Variants in IFT122 observed in about 807,000 individuals in gnomAD.
The protein encoded by IFT122 is intraflagellar transport protein 122 homolog.
IFT122 carries 118 observed loss-of-function variants against 161.6 expected under a neutral mutation model. The observed-to-expected ratio is 0.73, with a 90% CI of 0.63 to 0.85. The LOEUF (loss-of-function observed/expected upper bound fraction) is 0.85, where lower values mean the gene tolerates loss of function less well. Ranked by LOEUF, IFT122 falls within the 40% of genes least tolerant of loss-of-function variation. The pLI is 0.00. For missense variants in IFT122, 1,381 were observed against 1,579.6 expected, an observed-to-expected ratio of 0.87 and a Z score of 2.13; for synonymous variants, 550 against 602.4, an observed-to-expected ratio of 0.91 and a Z score of 1.27.
At chr3:129,486,769 C>G (rs1424770851) in intron 15 of IFT122, among the ~76,000 whole-genome samples, 1 of 152,236 alleles carries the variant, frequency 6.6e-6, no homozygotes, top group African/African-American at 2.4e-5. Flanking sequence ...GAGCACATCT[C>G]TCCTTTGCCC....
At chr3:129,505,168 G>A (rs2082066578) in intron 21 of IFT122, among the ~76,000 whole-genome samples, 1 of 152,218 alleles carries the variant, frequency 6.6e-6, no homozygotes, top group African/African-American at 2.4e-5. Context: ...CAAGGACGAA[G>A]AGGCTAAATG....
chr3:129,440,258 A>AC lies in IFT122; in HGVS notation c.-71dup. Reference sequence around the variant, plus strand: ...AGCCAAAGTGGCTTGTGGAGTGGCGACCGTTAGTGAGGCGGTTGCTGAGAC... The same window carrying AC: ...AGCCAAAGTGGCTTGTGGAGTGGCGACCCGTTAGTGAGGCGGTTGCTGAGAC... On this transcript the variant is annotated 5_prime_UTR_variant, in exon 1 of 30. Coordinates refer to ENST00000348417, the MANE Select transcript of IFT122 (RefSeq NM_052989.3). The AC allele has an allele frequency of 6.5e-7, 1 of 1,539,498 alleles. No individual in the cohort carries two copies. Among genetic ancestry groups the AC allele is most frequent in the African/African-American group, 1.4e-5 (1 of 72,944 alleles).
Position 129,501,153 on chromosome 3 carries a change from G to A in IFT122, c.2375+1085G>A, listed in dbSNP as rs3821915. On this transcript the variant is annotated intron_variant, in intron 19 of 29. Transcript: ENST00000348417. Reference sequence around the variant, plus strand: ...TGGGACTCAGCACACCGGACCTTGAGGGGGAAGGCTTTGTCCTCCCAGTCA... The same window carrying A: ...TGGGACTCAGCACACCGGACCTTGAAGGGGAAGGCTTTGTCCTCCCAGTCA... Among the ~76,000 whole-genome samples, 5,325 of 152,144 alleles carry A rather than the reference G, an allele frequency of 0.035. 617 individuals are homozygous for A. The East Asian group carries it at 0.41, about 12-fold the overall frequency.
At chr3:129,453,991 G>A (rs1417016390) in intron 3 of IFT122, among the ~76,000 whole-genome samples, 3 of 152,094 alleles carry the variant, frequency 2.0e-5, no homozygotes, top group African/African-American at 7.2e-5. Flanking sequence ...ACATTCTGTA[G>A]CCACTGCCAA....
At chr3:129,473,714 A>G (rs950950689) in intron 9 of IFT122, among the ~76,000 whole-genome samples, 2 of 152,188 alleles carry the variant, frequency 1.3e-5, no homozygotes, top group African/African-American at 2.4e-5. Context: ...GGGATTTCCC[A>G]CTTCACTTTC....
chr3:129,510,679 C>T (rs1449328500), intron 23 of IFT122, among the ~76,000 whole-genome samples: 2 of 152,176 alleles, frequency 1.3e-5, no homozygotes, highest in Admixed American at 6.5e-5. Flanking sequence ...GGGCTCCTGT[C>T]TCTAACAGCT....
At chr3:129,450,997 G>A (rs1287525461) in intron 2 of IFT122, among the ~76,000 whole-genome samples, 3 of 152,102 alleles carry the variant, frequency 2.0e-5, no homozygotes, top group Non-Finnish European at 4.4e-5. Flanking sequence ...TGGGATTACA[G>A]AGGTGAGCCA....
At chr3:129,500,826 G>A (rs955069529) in intron 19 of IFT122, among the ~76,000 whole-genome samples, 2 of 152,194 alleles carry the variant, frequency 1.3e-5, no homozygotes, top group East Asian at 3.9e-4. Context: ...AAACGGAGGT[G>A]CTTAGATTTG....
In IFT122 at chr3:129,496,612, G is replaced by A. The variant is rs555014066; in HGVS notation, c.2208+1005G>A. 1.1e-4 allele frequency among the ~76,000 whole-genome samples: 17 copies of A among 152,244 alleles called. No homozygotes were observed. In the South Asian group the frequency reaches 1.2e-3, roughly 11 times the overall value. ...TCTTCCACCACCTGTTCGACCCTGG[G>A]GCTGAAGGTGTGTTTGGTGGCCTGT... On this transcript the variant is annotated intron_variant, in intron 18 of 29. Coordinates refer to ENST00000348417, the MANE Select transcript of IFT122 (RefSeq NM_052989.3).
intron 9 of IFT122, among the ~76,000 whole-genome samples, chr3:129,473,104 T>C (rs746987326): frequency 1.3e-5 from 2 of 152,158 alleles, no homozygotes; most frequent in Non-Finnish European, 2.9e-5. Flanking sequence ...AGTTCAAGAC[T>C]AGCCTGGGCT....
At chr3:129,503,913 C>T (rs1044314322) in intron 20 of IFT122, 3 of 332,656 alleles carry the variant, frequency 9.0e-6, no homozygotes, top group Non-Finnish European at 1.7e-5. Flanking sequence ...AGCACGAAGC[C>T]CACAGTCATC....
Position 129,488,374 on chromosome 3 carries a change from T to C in IFT122, c.1969T>C (p.Leu657=). 1 of 1,614,010 alleles carries C rather than the reference T, an allele frequency of 6.2e-7. No homozygotes were observed. Among genetic ancestry groups the C allele is most frequent in the Non-Finnish European group, 8.5e-7 (1 of 1,180,008 alleles). Reference sequence around the variant, plus strand: ...ACTGGCCATGGAAGCGCTAGAAGGTTTAGATTTTGAAACAGCAAAGAAGGT... The same window carrying C: ...ACTGGCCATGGAAGCGCTAGAAGGTCTAGATTTTGAAACAGCAAAGAAGGT... The part of the protein sequence containing the change: ...RELAMEALEG[L]DFETAKKAFI... The change falls in exon 16 of 30, where the codon TTA becomes CTA. Residue 657 remains leucine, a synonymous_variant. Transcript: ENST00000348417.
At position 129,464,762 on chromosome 3, in the gene IFT122, A is replaced by T; in HGVS notation, c.544A>T (p.Ile182Phe). ...PGGSLSPIWSICWNPSSRWES... is the reference protein window; with the variant it reads ...PGGSLSPIWSFCWNPSSRWES... ...GGGCTCCCTCTCGCCAATATGGTCC[A>T]TCTGCTGGAACCCTTCAAGGTACTC... Residue 182 changes from isoleucine to phenylalanine, a missense_variant, in exon 7 of 30, where the codon ATC becomes TTC. Physicochemically the swap from Ile to Phe is conservative, Grantham distance 21. This residue lies in a region of IFT122 where 544 missense variants were observed against 648.0 expected (regional missense o/e 0.84). Transcript: ENST00000348417. 2.5e-6 allele frequency: 4 copies of T among 1,614,190 alleles called. No homozygotes were observed. The highest frequency in any genetic ancestry group is 3.4e-6 in the Non-Finnish European group (4 of 1,180,036).
Position 129,502,862 on chromosome 3 carries a change from G to T in IFT122, c.2527G>T (p.Glu843Ter). ...CAAGTCCCTGGTGCAGCTGCACGTG[G>T]AGACCCAGCGCTGGGATGAGGTGAG... ...DLKSLVQLHV[E>*]TQRWDEAFAL... is the part of the protein sequence containing the mutation. The change falls in exon 20 of 30, where the codon GAG becomes TAG. Residue 843 changes from glutamate to a stop codon, truncating the protein, a stop_gained. Coordinates refer to ENST00000348417, the MANE Select transcript of IFT122 (RefSeq NM_052989.3). LOFTEE classifies it high-confidence loss of function. 1 of 1,611,440 alleles carries T rather than the reference G, an allele frequency of 6.2e-7. No individual in the cohort carries two copies.
intron 18 of IFT122, among the ~76,000 whole-genome samples, chr3:129,497,794 G>A (rs1559966198): frequency 6.6e-6 from 1 of 152,064 alleles, no homozygotes; most frequent in South Asian, 2.1e-4. Context: ...ATTATGTGGG[G>A]GGTGGGGGAG....
intron 6 of IFT122, 43 bp from the exon 7 acceptor site, chr3:129,464,592 G>A (rs915777659): frequency 6.2e-6 from 10 of 1,613,544 alleles, no homozygotes; most frequent in African/African-American, 1.3e-5. Context: ...CTTCTGTGGG[G>A]TGCTTCCCCT....
At position 129,476,941 on chromosome 3, in the gene IFT122, TTTTC is replaced by T. The variant is rs2078019066; in HGVS notation, c.1147+144_1147+147del. 1.9e-4 allele frequency: 170 copies of T among 876,054 alleles called. 2 individuals are homozygous for T. The highest frequency in any genetic ancestry group is 7.2e-4 in the Middle Eastern group (2 of 2,770). 54.3% of individuals were successfully genotyped at this position (876,054 alleles called of 1,614,324 possible). Reference sequence around the variant, plus strand: ...TGTTAGCCACTGGGTCTGTGTCTTGTTTTCTTTTTTTTTTTTTTTTGGTGGGGGA... The same window carrying T: ...TGTTAGCCACTGGGTCTGTGTCTTGTTTTTTTTTTTTTTTTTGGTGGGGGA... On this transcript the variant is annotated intron_variant, in intron 11 of 29. Coordinates refer to ENST00000348417, the MANE Select transcript of IFT122 (RefSeq NM_052989.3).
chr3:129,476,051 T>G, intron 9 of IFT122: 1 of 517,646 alleles, frequency 1.9e-6, no homozygotes, highest in East Asian at 3.6e-5. Context: ...GACACACTCC[T>G]GCACTCCTGG....
intron 23 of IFT122, among the ~76,000 whole-genome samples, chr3:129,511,098 G>A (rs1413804279): frequency 2.0e-5 from 3 of 152,238 alleles, no homozygotes; most frequent in Non-Finnish European, 4.4e-5. Context: ...CCAGGGCCCA[G>A]CAGAGCAGCA....
Sources: allele counts gnomAD v4.1 joint callset (sites outside exome capture counted in the v4.1 genomes callset), GRCh38; gene constraint gnomAD v4.1.1; regional missense constraint gnomAD v4.1.1; transcripts MANE v1.5; gene names NCBI Gene and HGNC (gene_info 2026-07-23, HGNC 2026-07-21).